Variants in HSPA13 observed in about 807,000 individuals in gnomAD.
The protein encoded by HSPA13 is heat shock 70 kDa protein 13.
HSPA13 carries 29 observed loss-of-function variants against 38.8 expected under a neutral mutation model. That is an observed-to-expected ratio of 0.75 (90% confidence interval 0.56 to 1.02). The LOEUF (loss-of-function observed/expected upper bound fraction) is 1.02. Ranked by LOEUF, HSPA13 falls within the 50% of genes least tolerant of loss-of-function variation. HSPA13 has a pLI of 0.00. For synonymous variants in HSPA13, 192 were observed against 205.3 expected (o/e 0.94, Z 0.56); for missense variants, 451 against 560.9 (o/e 0.80, Z 1.98).
At chr21:14,378,723 G>A (rs551360488) in intron 2 of HSPA13, among the ~76,000 whole-genome samples, 11 of 151,866 alleles carry the variant, frequency 7.2e-5, no homozygotes, top group South Asian at 2.1e-4. Flanking sequence ...GGGTTCAAGC[G>A]ATTCTCCTGC....
rs898600928 is a variant in HSPA13, at chr21:14,382,320, A to T, written c.25+775T>A. On this transcript the variant is annotated intron_variant, in intron 1 of 4. Coordinates refer to ENST00000285667, the MANE Select transcript of HSPA13 (RefSeq NM_006948.5). ...GCAGATGCCCAACAAATACTAATTT[A>T]AAAAAAAAAGAAAAAAGAGTAGGAA... 8.7e-5 allele frequency among the ~76,000 whole-genome samples: 13 copies of T among 149,654 alleles called. No homozygotes were observed. In the East Asian group the frequency reaches 9.7e-4, roughly 11 times the overall value.
Position 14,375,681 on chromosome 21 carries a change from C to T in HSPA13, c.719G>A (p.Gly240Glu). ...TLDVSLLNKQ[G>E]GMFLTRAMSG... The stretch of plus-strand genomic sequence containing the variant: ...CATTGCTCGGGTTAGAAACATCCCT[C>T]CTTGTTTATTCAGTAAAGACACATC... The change falls in exon 4 of 5, where the codon GGA (glycine) becomes GAA (glutamate). Residue 240 changes from glycine (G) to glutamate (E), a missense_variant. Coordinates refer to ENST00000285667, the MANE Select transcript of HSPA13 (RefSeq NM_006948.5). 6.2e-7 allele frequency: 1 copy of T among 1,613,766 alleles called. No homozygotes were observed.
At chr21:14,378,142 G>C in intron 3 of HSPA13, 57 bp downstream of exon 3, 1 of 1,354,526 alleles carries the variant, frequency 7.4e-7, no homozygotes, top group Non-Finnish European at 1.1e-6. Flanking sequence ...TACTACAGAA[G>C]GTTTTCAACC....
At chr21:14,375,912 G>A in intron 3 of HSPA13, 93 bp from the exon 4 acceptor site, 1 of 951,678 alleles carries the variant, frequency 1.1e-6, no homozygotes, top group Non-Finnish European at 1.6e-6. Context: ...TCTGTGACAT[G>A]AACTCCACCA....
At chr21:14,380,899 C>A (rs1393498451) in intron 2 of HSPA13, among the ~76,000 whole-genome samples, 4 of 152,188 alleles carry the variant, frequency 2.6e-5, no homozygotes, top group Non-Finnish European at 5.9e-5. Flanking sequence ...CATACACACA[C>A]AGAATATCTA....
rs925532940 is a variant in HSPA13 at position 14,373,489 on chromosome 21, TG to T, written c.*127del. 2.0e-5 allele frequency: 15 copies of T among 763,740 alleles called. No individual in the cohort carries two copies. The African/African-American group carries it at 2.6e-4, about 13-fold the overall frequency. The allele number at this position is 763,740 out of a possible 1,614,324, so 47.3% of individuals were successfully genotyped here. A position where few individuals can be genotyped will look rare whatever the true frequency, so the allele number is the denominator to read the frequency against. On this transcript the variant is annotated 3_prime_UTR_variant, in exon 5 of 5. Transcript: ENST00000285667. Reference sequence around the variant, plus strand: ...GACAAAACACTATGTAAAATTTTCCTGTATCTAAATGTTGCCCTCTAGGTAA... The same window carrying T: ...GACAAAACACTATGTAAAATTTTCCTTATCTAAATGTTGCCCTCTAGGTAA...
intron 4 of HSPA13, among the ~76,000 whole-genome samples, chr21:14,375,022 G>A (rs1286204204): frequency 1.3e-5 from 2 of 152,072 alleles, no homozygotes; most frequent in Non-Finnish European, 2.9e-5. Flanking sequence ...ACAACTCAAC[G>A]TGTCAAACAG....
In HSPA13 at chr21:14,374,418, C is replaced by A. The variant is rs933844555; in HGVS notation, c.749-134G>T. 1.1e-4 allele frequency: 75 copies of A among 682,854 alleles called. No homozygotes were observed. The African/African-American group carries it at 1.2e-3, about 11-fold the overall frequency. 42.3% of individuals were successfully genotyped at this position (682,854 alleles called of 1,614,324 possible). A position where few individuals can be genotyped will look rare whatever the true frequency, so the allele number is the denominator to read the frequency against. The stretch of plus-strand genomic sequence containing the variant: ...TTTCATGTATCATTACAATTTTATT[C>A]ATACAGAGACTGGTTAAAAATAACT... On this transcript the variant is annotated intron_variant, in intron 4 of 4. Coordinates refer to ENST00000285667, the MANE Select transcript of HSPA13 (RefSeq NM_006948.5).
rs1217895901 is a variant in HSPA13, at chr21:14,371,811, AAC to A, written c.*1804_*1805del. On this transcript the variant is annotated 3_prime_UTR_variant, in exon 5 of 5. Transcript: ENST00000285667. Reference sequence around the variant, plus strand: ...ATATGGAGATTTTGAGATAAATTGGAACACTTTTAGAAGACCTTCACAAAGAA... The same window carrying A: ...ATATGGAGATTTTGAGATAAATTGGAACTTTTAGAAGACCTTCACAAAGAA... The A allele has an allele frequency of 1.3e-5, 2 of 152,298 alleles. No homozygotes were observed. The highest frequency in any genetic ancestry group is 2.4e-5 in the African/African-American group (1 of 41,452). The allele number at this position is 152,298 out of a possible 1,614,324, so 9.4% of individuals were successfully genotyped here.
At chr21:14,382,047 C>CT (rs1726442953) in intron 1 of HSPA13, among the ~76,000 whole-genome samples, 1 of 152,090 alleles carries the variant, frequency 6.6e-6, no homozygotes, top group African/African-American at 2.4e-5. Context: ...CTCCTTTTCC[C>CT]TTTCAAAAGG....
intron 3 of HSPA13, among the ~76,000 whole-genome samples, chr21:14,377,077 T>G (rs1211382688): frequency 1.3e-5 from 2 of 152,214 alleles, no homozygotes; most frequent in African/African-American, 4.8e-5. Flanking sequence ...ATCTGGTGAA[T>G]AGAGGCTAGG....
In HSPA13 at chr21:14,374,746, T is replaced by C. The variant is rs113262336; in HGVS notation, c.749-462A>G. On this transcript the variant is annotated intron_variant, in intron 4 of 4. Coordinates refer to ENST00000285667, the MANE Select transcript of HSPA13 (RefSeq NM_006948.5). ...GTAAATAGAGATTAAGAATACAGAT[T>C]GGCTTATAAGTAGCTATTTAAAAAC... Among the ~76,000 whole-genome samples the C allele has an allele frequency of 3.0e-3, 456 of 152,340 alleles. 2 individuals carry two copies. The highest frequency in any genetic ancestry group is 0.011 in the African/African-American group (437 of 41,588).
chr21:14,376,319 G>A (rs566747505), intron 3 of HSPA13, among the ~76,000 whole-genome samples: 301 of 152,202 alleles, frequency 2.0e-3, no homozygotes, highest in Admixed American at 4.1e-3. Flanking sequence ...AGGCTGAGGC[G>A]GGAGAATGGC....
chr21:14,379,580 T>G (rs1193476076), intron 2 of HSPA13, among the ~76,000 whole-genome samples: 1 of 152,138 alleles, frequency 6.6e-6, no homozygotes, highest in Non-Finnish European at 1.5e-5. Flanking sequence ...TTTGGGTCAA[T>G]AAGTAACGTA....
rs1568720901 is a variant in HSPA13 at position 14,372,673 on chromosome 21, A to T, written c.*944T>A. On this transcript the variant is annotated 3_prime_UTR_variant, in exon 5 of 5. Coordinates refer to ENST00000285667, the MANE Select transcript of HSPA13 (RefSeq NM_006948.5). Reference sequence around the variant, plus strand: ...AAAATCTCCGTAAAACGGAACCAAAACCATTTAGTAGCTCAATTCCATGCT... The same window carrying T: ...AAAATCTCCGTAAAACGGAACCAAATCCATTTAGTAGCTCAATTCCATGCT... The T allele has an allele frequency of 6.6e-6, 1 of 152,142 alleles. No individual in the cohort carries two copies. Among genetic ancestry groups the T allele is most frequent in the Admixed American group, 6.5e-5 (1 of 15,276 alleles). 9.4% of individuals were successfully genotyped at this position (152,142 alleles called of 1,614,324 possible). A position where few individuals can be genotyped will look rare whatever the true frequency, so the allele number is the denominator to read the frequency against.
chr21:14,382,240 G>A (rs928941931), intron 1 of HSPA13, among the ~76,000 whole-genome samples: 2 of 152,074 alleles, frequency 1.3e-5, no homozygotes, highest in African/African-American at 4.8e-5. Flanking sequence ...CAACATCTAT[G>A]AAAGCTTCTT....
At chr21:14,381,941 G>T (rs746251076) in intron 1 of HSPA13, among the ~76,000 whole-genome samples, 4 of 152,036 alleles carry the variant, frequency 2.6e-5, no homozygotes, top group Non-Finnish European at 5.9e-5. Context: ...TTTATAAAAA[G>T]CTTCGATTAT....
In HSPA13 at chr21:14,373,420, T is replaced by C; in HGVS notation, c.*197A>G. The C allele has an allele frequency of 1.8e-6, 1 of 550,582 alleles. No homozygotes were observed. Among genetic ancestry groups the C allele is most frequent in the South Asian group, 2.7e-5 (1 of 37,378 alleles). The allele number at this position is 550,582 out of a possible 1,614,324, so 34.1% of individuals were successfully genotyped here. ...TTAGAGTATTTGTTAGAATAGGATCTCTCCAAAATCAAACAGGATCAATCT... is the reference window on the plus strand; with the variant it reads ...TTAGAGTATTTGTTAGAATAGGATCCCTCCAAAATCAAACAGGATCAATCT... On this transcript the variant is annotated 3_prime_UTR_variant, in exon 5 of 5. Transcript: ENST00000285667.
At position 14,373,877 on chromosome 21, in the gene HSPA13, G is replaced by A. The variant is rs748596759; in HGVS notation, c.1156C>T (p.Gln386Ter). 3 of 1,614,222 alleles carry A rather than the reference G, an allele frequency of 1.9e-6. No individual in the cohort carries two copies. The highest frequency in any genetic ancestry group is 4.5e-5 in the East Asian group (2 of 44,890). Residue 386 changes from glutamine to a stop codon, truncating the protein, a stop_gained, in exon 5 of 5, where the codon CAG becomes TAG. Coordinates refer to ENST00000285667, the MANE Select transcript of HSPA13 (RefSeq NM_006948.5). LOFTEE classifies it high-confidence loss of function. Reference sequence around the variant, plus strand: ...AGGTGGCCTTCTTTCAATACTTGCTGAATGGGTACCAGTATTTTCTGAAAG... The same window carrying A: ...AGGTGGCCTTCTTTCAATACTTGCTAAATGGGTACCAGTATTTTCTGAAAG... ...DLFQKILVPIQQVLKEGHLEK... is the reference protein window; with the variant it reads ...DLFQKILVPI
Sources: allele counts gnomAD v4.1 joint callset (sites outside exome capture counted in the v4.1 genomes callset), GRCh38; gene constraint gnomAD v4.1.1; transcripts MANE v1.5; gene names NCBI Gene and HGNC (gene_info 2026-07-23, HGNC 2026-07-21).